ALPK2: variants seen among roughly 807,000 people sequenced by gnomAD.
ALPK2 encodes alpha-protein kinase 2.
A neutral mutation model predicts 163.1 loss-of-function variants in ALPK2; 127 were observed. The ratio of observed to expected loss-of-function variants is 0.78; its 90% CI spans 0.67 to 0.90. ALPK2 has a LOEUF of 0.90. ALPK2 is among the 40% of genes least tolerant of loss of function. ALPK2 has a pLI of 0.00. For synonymous variants in ALPK2, 953 were observed against 959.1 expected, an observed-to-expected ratio of 0.99 and a Z score of 0.12; for missense variants, 2,360 against 2,589.6, an observed-to-expected ratio of 0.91 and a Z score of 1.92.
At chr18:58,507,970 A>G (rs1436474959) in intron 10 of ALPK2, among the ~76,000 whole-genome samples, 1 of 152,122 alleles carries the variant, frequency 6.6e-6, no homozygotes, top group Non-Finnish European at 1.5e-5. Flanking sequence ...CTACCTCCCC[A>G]CTTGCTCCCA....
intron 4 of ALPK2, among the ~76,000 whole-genome samples, chr18:58,568,676 G>A (rs1289245837): frequency 6.6e-6 from 1 of 152,174 alleles, no homozygotes; most frequent in Non-Finnish European, 1.5e-5. Context: ...CATCTTTACT[G>A]AATGTGTACA....
chr18:58,505,685 G>A (rs1371603749), intron 10 of ALPK2, among the ~76,000 whole-genome samples: 4 of 152,026 alleles, frequency 2.6e-5, no homozygotes, highest in African/African-American at 4.8e-5. Flanking sequence ...ACATCGAAAC[G>A]CAAATCCGCT....
intron 2 of ALPK2, among the ~76,000 whole-genome samples, chr18:58,608,653 A>T (rs1296956760): frequency 1.3e-5 from 2 of 152,192 alleles, no homozygotes; most frequent in Non-Finnish European, 2.9e-5. Context: ...CTAAGATGAG[A>T]ACCGCATGTT....
Position 58,584,444 on chromosome 18 carries a change from C to T in ALPK2, c.228-3896G>A, listed in dbSNP as rs2051975462. 2.0e-5 allele frequency among the ~76,000 whole-genome samples: 3 copies of T among 152,222 alleles called. 1 individual carries two copies. Among genetic ancestry groups the T allele is most frequent in the Admixed American group, 2.0e-4 (3 of 15,288 alleles). Reference sequence around the variant, plus strand: ...TCCCCAAAGTGACAAAGCTGGAAAGCCATAGAGCCGGGATAAGAAAGAGCC... The same window carrying T: ...TCCCCAAAGTGACAAAGCTGGAAAGTCATAGAGCCGGGATAAGAAAGAGCC... On this transcript the variant is annotated intron_variant, in intron 3 of 12. Coordinates refer to ENST00000361673, the MANE Select transcript of ALPK2 (RefSeq NM_052947.4).
chr18:58,551,923 A>G (rs987123478), intron 4 of ALPK2, among the ~76,000 whole-genome samples: 7 of 152,200 alleles, frequency 4.6e-5, no homozygotes, highest in African/African-American at 1.7e-4. Flanking sequence ...CTATCTCCTT[A>G]TGAAGAGGCA....
intron 12 of ALPK2, among the ~76,000 whole-genome samples, chr18:58,493,498 G>C (rs574318188): frequency 6.6e-6 from 1 of 152,026 alleles, no homozygotes. Context: ...GGTGGCTGCC[G>C]TCCCCTCCAT....
Position 58,580,391 on chromosome 18 carries a change from T to C in ALPK2, c.385A>G (p.Thr129Ala), listed in dbSNP as rs1602227863. 6.2e-7 allele frequency: 1 copy of C among 1,614,188 alleles called. No homozygotes were observed. Among genetic ancestry groups the C allele is most frequent in the East Asian group, 2.2e-5 (1 of 44,888 alleles). ...GCCCTTTCTTCTTCATGTGTCCCTG[T>C]TTCATGTTTCCAACCCCTGTCCCTG... ...DDRDRGWKHETGTHEEERANQ... is the reference protein window; with the variant it reads ...DDRDRGWKHEAGTHEEERANQ... Residue 129 changes from threonine (T) to alanine (A), a missense_variant, in exon 4 of 13, where the codon ACA (threonine) becomes GCA (alanine). Physicochemically the swap from Thr to Ala is moderately conservative, Grantham distance 58. Transcript: ENST00000361673.
chr18:58,597,485 G>A (rs886308222), intron 3 of ALPK2, among the ~76,000 whole-genome samples: 8 of 152,180 alleles, frequency 5.3e-5, no homozygotes, highest in South Asian at 2.1e-4. Context: ...TTACAGATAC[G>A]GAAATCGTGG....
intron 4 of ALPK2, among the ~76,000 whole-genome samples, chr18:58,539,107 CT>C (rs2051675835): frequency 6.6e-6 from 1 of 152,160 alleles, no homozygotes; most frequent in South Asian, 2.1e-4. Context: ...ATGAAGTGCA[CT>C]AAGATAACAA....
At chr18:58,525,056 CAT>C (rs2051577338) in intron 6 of ALPK2, among the ~76,000 whole-genome samples, 1 of 150,888 alleles carries the variant, frequency 6.6e-6, no homozygotes, top group Non-Finnish European at 1.5e-5. Context: ...TATGTGTATA[CAT>C]GTGTGTGGTG....
chr18:58,485,466 G>GCC (rs1409548164), intron 12 of ALPK2, among the ~76,000 whole-genome samples: 1 of 152,192 alleles, frequency 6.6e-6, no homozygotes, highest in African/African-American at 2.4e-5. Context: ...AAATCCAGCT[G>GCC]CCCCTCCTCC....
At chr18:58,532,343 G>A (rs2051620600) in intron 5 of ALPK2, among the ~76,000 whole-genome samples, 1 of 152,182 alleles carries the variant, frequency 6.6e-6, no homozygotes, top group African/African-American at 2.4e-5. Flanking sequence ...AGAGGGGAGA[G>A]GTTGGCCGCC....
intron 6 of ALPK2, among the ~76,000 whole-genome samples, chr18:58,524,920 C>T (rs949153845): frequency 7.5e-6 from 1 of 133,616 alleles, no homozygotes; most frequent in Non-Finnish European, 1.6e-5. Flanking sequence ...ATATTTATTC[C>T]AAAGTCTCAA....
chr18:58,499,278 C>T (rs1204908730), intron 11 of ALPK2, among the ~76,000 whole-genome samples: 1 of 151,942 alleles, frequency 6.6e-6, no homozygotes, highest in Non-Finnish European at 1.5e-5. Flanking sequence ...TTTGCATGTG[C>T]CTTTCCAGCA....
intron 4 of ALPK2, among the ~76,000 whole-genome samples, chr18:58,570,810 G>A (rs1240735239): frequency 6.6e-6 from 1 of 152,126 alleles, no homozygotes; most frequent in Non-Finnish European, 1.5e-5. Flanking sequence ...ATGCCTCTTA[G>A]AAACCAAAAC....
chr18:58,618,540 C>A (rs2052181955), intron 1 of ALPK2, among the ~76,000 whole-genome samples: 1 of 152,172 alleles, frequency 6.6e-6, no homozygotes, highest in East Asian at 1.9e-4. Flanking sequence ...AGTATCTATT[C>A]ATTTGACCAT....
intron 12 of ALPK2, among the ~76,000 whole-genome samples, chr18:58,494,313 G>A (rs943234916): frequency 2.6e-5 from 4 of 152,164 alleles, no homozygotes; most frequent in Non-Finnish European, 4.4e-5. Context: ...CACAGGGGAT[G>A]TGTTTCCAGA....
intron 12 of ALPK2, among the ~76,000 whole-genome samples, chr18:58,483,966 T>TCA (rs1306484011): frequency 6.6e-6 from 1 of 152,062 alleles, no homozygotes; most frequent in African/African-American, 2.4e-5. Flanking sequence ...TGTGGCACGG[T>TCA]CACACACACA....
intron 10 of ALPK2, among the ~76,000 whole-genome samples, chr18:58,506,859 T>C (rs1026292895): frequency 1.3e-5 from 2 of 152,224 alleles, no homozygotes; most frequent in Non-Finnish European, 2.9e-5. Flanking sequence ...CCCTGGCTTC[T>C]ACTTCCCAGA....
Sources: gnomAD v4.1 joint callset for allele counts (sites outside exome capture counted in the v4.1 genomes callset) on GRCh38, gnomAD v4.1.1 for gene constraint, MANE v1.5 for transcripts, NCBI Gene and HGNC (gene_info 2026-07-23, HGNC 2026-07-21) for gene names.